The following KCNMB2 variants were observed in gnomAD, a reference collection of about 807,000 sequenced individuals.
KCNMB2 encodes the protein calcium-activated potassium channel subunit beta-2.
In KCNMB2, 9 loss-of-function variants were observed where a neutral mutation model predicts 24.5. The observed-to-expected ratio is 0.37, with a 90% CI of 0.22 to 0.64. The LOEUF (loss-of-function observed/expected upper bound fraction) is 0.64. KCNMB2 is among the 30% of genes least tolerant of loss of function. The pLI is 0.63. For synonymous variants in KCNMB2, 109 were observed against 104.4 expected, an observed-to-expected ratio of 1.04 and a Z score of -0.27; for missense variants, 226 against 284.3, an observed-to-expected ratio of 0.79 and a Z score of 1.47.
rs144748329 is a variant in KCNMB2 at position 178,832,515 on chromosome 3, G to A, written c.423+4142G>A. Among the ~76,000 whole-genome samples the A allele has an allele frequency of 5.1e-3, 409 of 80,526 alleles. 144 individuals are homozygous for A. Among genetic ancestry groups the A allele is most frequent in the Non-Finnish European group, 3.9e-4 (17 of 43,272 alleles). 52.8% of individuals were successfully genotyped at this position (80,526 alleles called of 152,430 possible). A position where few individuals can be genotyped will look rare whatever the true frequency, so the allele number is the denominator to read the frequency against. On this transcript the variant is annotated intron_variant, in intron 4 of 4. Transcript: ENST00000452583. The stretch of plus-strand genomic sequence containing the variant: ...ATTCTGTCATTATCTCATCAACATT[G>A]TCTGTAGTCATTCTCTGCCTCTTCA...
At chr3:178,759,442 TATATATATATATATATCTCCAAGAGG>T (rs2108406369) in intron 1 of KCNMB2, among the ~76,000 whole-genome samples, 1 of 60,592 alleles carries the variant, frequency 1.7e-5, no homozygotes, top group East Asian at 4.3e-4. Flanking sequence ...AGGATATATA[TATATATATATATATATCTCCAAGAGG>T]ATATATATAT....
intron 1 of KCNMB2, among the ~76,000 whole-genome samples, chr3:178,638,307 CAT>C (rs1283831466): frequency 6.6e-6 from 1 of 152,132 alleles, no homozygotes; most frequent in Non-Finnish European, 1.5e-5. Flanking sequence ...TTCAACCAAA[CAT>C]TTTTTGGTTC....
intron 1 of KCNMB2, among the ~76,000 whole-genome samples, chr3:178,662,246 A>G (rs1720557788): frequency 6.6e-6 from 1 of 152,160 alleles, no homozygotes; most frequent in African/African-American, 2.4e-5. Flanking sequence ...TTTCTTTGCA[A>G]TTTCTCTTCA....
At chr3:178,547,200 C>T (rs1715802763) in intron 1 of KCNMB2, among the ~76,000 whole-genome samples, 1 of 152,158 alleles carries the variant, frequency 6.6e-6, no homozygotes, top group Non-Finnish European at 1.5e-5. Context: ...TGTGTGCTCT[C>T]TTGCTCTTCC....
chr3:178,757,565 T>C (rs1389156104), intron 1 of KCNMB2, among the ~76,000 whole-genome samples: 5 of 50,616 alleles, frequency 9.9e-5, no homozygotes, highest in African/African-American at 4.2e-4. Context: ...TCCAAGAGGA[T>C]ATATATATAT....
rs1178340865 is a variant in KCNMB2 at position 178,670,874 on chromosome 3, T to C, written c.-68+134163T>C. On this transcript the variant is annotated intron_variant, in intron 1 of 4. Coordinates refer to ENST00000452583, the MANE Select transcript of KCNMB2 (RefSeq NM_181361.3). ...CTCTGGGTATAAAATCTAGGTCTTC[T>C]AACTCACACTTCAGATGTTTTTCTG... Among the ~76,000 whole-genome samples the C allele has an allele frequency of 3.3e-5, 5 of 152,150 alleles. No homozygotes were observed. The South Asian group carries it at 1.0e-3, about 31-fold the overall frequency.
chr3:178,718,263 A>G (rs2108355836), intron 1 of KCNMB2, among the ~76,000 whole-genome samples: 1 of 152,318 alleles, frequency 6.6e-6, no homozygotes, highest in Non-Finnish European at 1.5e-5. Flanking sequence ...ACTTTTCCTT[A>G]TAATTTCCTC....
intron 1 of KCNMB2, among the ~76,000 whole-genome samples, chr3:178,754,177 T>TATATATATATATACACACAC (rs1435109631): frequency 8.5e-6 from 1 of 117,228 alleles, no homozygotes; most frequent in African/African-American, 3.7e-5. Context: ...TATATATATA[T>TATATATATATATACACACAC]ACACACACAC....
intron 1 of KCNMB2, among the ~76,000 whole-genome samples, chr3:178,584,445 C>T (rs1717346711): frequency 7.1e-6 from 1 of 141,220 alleles, no homozygotes. Context: ...CCCTCCCTCT[C>T]CAAAAGAAAA....
intron 1 of KCNMB2, among the ~76,000 whole-genome samples, chr3:178,798,961 A>G (rs541666253): frequency 6.7e-6 from 1 of 149,668 alleles, no homozygotes; most frequent in African/African-American, 2.5e-5. Flanking sequence ...AGCACTTACT[A>G]AAATACAATA....
chr3:178,781,274 T>C (rs1232936350), intron 1 of KCNMB2, among the ~76,000 whole-genome samples: 1 of 152,122 alleles, frequency 6.6e-6, no homozygotes, highest in East Asian at 1.9e-4. Context: ...TTTTGTTTTG[T>C]TTACAGCAAA....
intron 1 of KCNMB2, among the ~76,000 whole-genome samples, chr3:178,582,334 G>A (rs750029989): frequency 1.7e-4 from 26 of 152,146 alleles, no homozygotes; most frequent in Non-Finnish European, 3.2e-4. Flanking sequence ...GACACAGGGA[G>A]AGAACATCAC....
intron 1 of KCNMB2, among the ~76,000 whole-genome samples, chr3:178,585,326 G>C (rs946983904): frequency 1.3e-5 from 2 of 152,134 alleles, no homozygotes; most frequent in African/African-American, 4.8e-5. Context: ...TACCCCCACA[G>C]GGTCATTTCT....
intron 4 of KCNMB2, among the ~76,000 whole-genome samples, chr3:178,836,345 CAAAAATTGG>C (rs1221358821): frequency 6.6e-6 from 1 of 152,058 alleles, no homozygotes; most frequent in Non-Finnish European, 1.5e-5. Context: ...GTCAGTTCCC[CAAAAATTGG>C]AGAGAAGATG....
intron 1 of KCNMB2, among the ~76,000 whole-genome samples, chr3:178,642,547 G>A (rs1719764241): frequency 6.6e-6 from 1 of 152,202 alleles, no homozygotes; most frequent in African/African-American, 2.4e-5. Context: ...AGAAATGGAA[G>A]ATACTAATAT....
chr3:178,792,296 CTTG>C (rs1043401117), intron 1 of KCNMB2, among the ~76,000 whole-genome samples: 112 of 152,170 alleles, frequency 7.4e-4, no homozygotes, highest in African/African-American at 2.6e-3. Flanking sequence ...TATTTGTCTG[CTTG>C]TTGTTTTTGT....
intron 1 of KCNMB2, among the ~76,000 whole-genome samples, chr3:178,570,224 T>C (rs1716721882): frequency 6.6e-6 from 1 of 152,176 alleles, no homozygotes; most frequent in African/African-American, 2.4e-5. Context: ...TGAAAGTGGT[T>C]TCCTAGTTTT....
At chr3:178,836,067 G>A (rs747514993) in intron 4 of KCNMB2, among the ~76,000 whole-genome samples, 2 of 152,076 alleles carry the variant, frequency 1.3e-5, no homozygotes, top group Non-Finnish European at 2.9e-5. Flanking sequence ...AGTGATCTGA[G>A]AAATGGATAG....
chr3:178,699,878 G>A (rs1301278193), intron 1 of KCNMB2, among the ~76,000 whole-genome samples: 3 of 152,226 alleles, frequency 2.0e-5, no homozygotes, highest in Non-Finnish European at 4.4e-5. Context: ...TGTGGTGGTC[G>A]AGGGTTCCCC....
Sources: allele counts gnomAD v4.1 joint callset (sites outside exome capture counted in the v4.1 genomes callset), GRCh38; gene constraint gnomAD v4.1.1; transcripts MANE v1.5; gene names NCBI Gene and HGNC (gene_info 2026-07-23, HGNC 2026-07-21).